The following GPC5 variants were observed in gnomAD, a reference collection of about 807,000 sequenced individuals.
The protein encoded by GPC5 is glypican-5.
Under a neutral mutation model 53.9 loss-of-function variants are expected in GPC5, and 47 were observed. The ratio of observed to expected loss-of-function variants is 0.87; its 90% CI spans 0.69 to 1.11. GPC5 has a LOEUF of 1.11. GPC5 is among the 50% of genes most tolerant of loss of function. The pLI is 0.00. For missense variants in GPC5, 748 were observed against 713.1 expected (o/e 1.05, Z -0.56); for synonymous variants, 286 against 263.3 (o/e 1.09, Z -0.84).
intron 7 of GPC5, among the ~76,000 whole-genome samples, chr13:92,622,033 C>T (rs1190977562): frequency 1.3e-5 from 2 of 152,154 alleles, no homozygotes; most frequent in African/African-American, 4.8e-5. Context: ...CTTCTCATTC[C>T]CCCTCCATGT....
chr13:92,829,883 A>C (rs1342476347), intron 7 of GPC5, among the ~76,000 whole-genome samples: 1 of 152,190 alleles, frequency 6.6e-6, no homozygotes, highest in Non-Finnish European at 1.5e-5. Flanking sequence ...GCAGTATAAA[A>C]GTAGTGGAAA....
chr13:92,367,030 T>C (rs541400088), intron 7 of GPC5, among the ~76,000 whole-genome samples: 1 of 152,318 alleles, frequency 6.6e-6, no homozygotes, highest in South Asian at 2.1e-4. Context: ...TCTTATTTTA[T>C]ACCTATTTCA....
At chr13:92,406,748 A>G (rs772733347) in intron 7 of GPC5, among the ~76,000 whole-genome samples, 3 of 152,194 alleles carry the variant, frequency 2.0e-5, no homozygotes, top group Non-Finnish European at 4.4e-5. Context: ...TTCTCACTAC[A>G]TAAAGCCATA....
chr13:92,629,491 A>G (rs761660198), intron 7 of GPC5, among the ~76,000 whole-genome samples: 2 of 152,192 alleles, frequency 1.3e-5, no homozygotes, highest in Non-Finnish European at 2.9e-5. Context: ...GTACATTATA[A>G]GAAATGGTGA....
intron 7 of GPC5, among the ~76,000 whole-genome samples, chr13:92,840,074 CATACATATATATAT>C (rs1430762337): frequency 3.9e-4 from 28 of 72,120 alleles, no homozygotes; most frequent in Admixed American, 1.6e-4. Context: ...TTCATATATA[CATACATATATATAT>C]ATATATATAT....
chr13:92,103,378 GCTTTT>G (rs2041481947), intron 6 of GPC5, among the ~76,000 whole-genome samples: 1 of 151,896 alleles, frequency 6.6e-6, no homozygotes, highest in Non-Finnish European at 1.5e-5. Context: ...ATTTTATTTT[GCTTTT>G]CTTATATAAC....
intron 7 of GPC5, among the ~76,000 whole-genome samples, chr13:92,430,231 T>C (rs1877025285): frequency 6.6e-6 from 1 of 152,124 alleles, no homozygotes; most frequent in Non-Finnish European, 1.5e-5. Context: ...AACACATGTT[T>C]AGAAAAATGG....
chr13:92,724,903 C>CACAG (rs1555306845), intron 7 of GPC5, among the ~76,000 whole-genome samples: 11 of 149,936 alleles, frequency 7.3e-5, no homozygotes, highest in African/African-American at 2.5e-4. Flanking sequence ...CACACACACA[C>CACAG]ACACACACAA....
At chr13:91,688,273 A>G (rs1284354800) in intron 2 of GPC5, among the ~76,000 whole-genome samples, 1 of 152,196 alleles carries the variant, frequency 6.6e-6, no homozygotes, top group East Asian at 1.9e-4. Context: ...AGGTGTTTAC[A>G]CATTAAAATT....
intron 7 of GPC5, among the ~76,000 whole-genome samples, chr13:92,214,758 A>T (rs4559792): frequency 0.23 from 34,983 of 152,128 alleles, 4,188 homozygotes; most frequent in African/African-American, 0.28. Context: ...GGAATTAATA[A>T]TGCTAATCAG....
chr13:91,957,730 C>A (rs558148105), intron 6 of GPC5, among the ~76,000 whole-genome samples: 1 of 151,956 alleles, frequency 6.6e-6, no homozygotes, highest in Admixed American at 6.6e-5. Context: ...AAAGTCTTCC[C>A]CAGACATACA....
chr13:91,399,376 T>TGCAGC (rs1876747714), intron 1 of GPC5, among the ~76,000 whole-genome samples, 167 bp downstream of exon 1: 1 of 152,076 alleles, frequency 6.6e-6, no homozygotes, highest in South Asian at 2.1e-4. Flanking sequence ...GTAGCCTGAG[T>TGCAGC]GCAGCGCAGC....
At chr13:92,247,236 G>C (rs2042659466) in intron 7 of GPC5, among the ~76,000 whole-genome samples, 1 of 152,148 alleles carries the variant, frequency 6.6e-6, no homozygotes, top group Non-Finnish European at 1.5e-5. Context: ...ACACTTGCAT[G>C]TATATATGTA....
chr13:92,323,361 CAT>C (rs200094469), intron 7 of GPC5, among the ~76,000 whole-genome samples: 19,611 of 148,598 alleles, frequency 0.13, 1,671 homozygotes, highest in South Asian at 0.32. Flanking sequence ...ATAACAGATA[CAT>C]ATATATATAT....
chr13:92,137,968 C>A (rs774951479), intron 6 of GPC5, among the ~76,000 whole-genome samples: 2 of 152,120 alleles, frequency 1.3e-5, no homozygotes, highest in Non-Finnish European at 1.5e-5. Context: ...AAAAATGCAT[C>A]ATTCTGGTGC....
chr13:92,417,453 C>T (rs1280139680), intron 7 of GPC5, among the ~76,000 whole-genome samples: 1 of 152,172 alleles, frequency 6.6e-6, no homozygotes, highest in African/African-American at 2.4e-5. Flanking sequence ...TTCCTCAAAA[C>T]ATCAAAGTTA....
At chr13:91,985,588 C>A (rs1189521627) in intron 6 of GPC5, among the ~76,000 whole-genome samples, 2 of 151,938 alleles carry the variant, frequency 1.3e-5, no homozygotes, top group East Asian at 3.9e-4. Flanking sequence ...ATTGACTTTT[C>A]AGTTACACAT....
intron 6 of GPC5, among the ~76,000 whole-genome samples, chr13:92,100,052 C>T (rs1038677585): frequency 6.6e-6 from 1 of 152,074 alleles, no homozygotes; most frequent in Non-Finnish European, 1.5e-5. Context: ...TCCTCTATGA[C>T]CTGAGCGTAA....
intron 7 of GPC5, among the ~76,000 whole-genome samples, chr13:92,602,795 T>C (rs1884122951): frequency 6.6e-6 from 1 of 152,158 alleles, no homozygotes; most frequent in Admixed American, 6.5e-5. Flanking sequence ...TCAGACTTGA[T>C]GACTCACTAA....
Sources: gnomAD v4.1 joint callset for allele counts (sites outside exome capture counted in the v4.1 genomes callset) on GRCh38, gnomAD v4.1.1 for gene constraint, MANE v1.5 for transcripts, NCBI Gene and HGNC (gene_info 2026-07-23, HGNC 2026-07-21) for gene names.